PCDH15: variants seen among roughly 807,000 people sequenced by gnomAD.
PCDH15 encodes protocadherin related 15.
Under a neutral mutation model 178.5 loss-of-function variants are expected in PCDH15, and 129 were observed. The ratio of observed to expected loss-of-function variants is 0.72; its 90% CI spans 0.63 to 0.84. PCDH15 has a LOEUF of 0.84. Among genes scored for constraint, PCDH15 ranks in the 40% least tolerant of loss-of-function variants. PCDH15 has a pLI of 0.00. For synonymous variants in PCDH15, 800 were observed against 732.0 expected (o/e 1.09, Z -1.50); for missense variants, 2,230 against 2,099.9 (o/e 1.06, Z -1.21).
At chr10:54,995,051 A>C (rs138730881) in intron 2 of PCDH15, among the ~76,000 whole-genome samples, 429 of 152,266 alleles carry the variant, frequency 2.8e-3, no homozygotes, top group African/African-American at 0.01. Context: ...CGTAGGTTTT[A>C]TGATTATTGT....
intron 8 of PCDH15, among the ~76,000 whole-genome samples, chr10:54,290,998 G>T (rs959669087): frequency 5.3e-5 from 8 of 151,972 alleles, no homozygotes; most frequent in Admixed American, 1.3e-4. Context: ...CAAGACAGAA[G>T]GTTAACAAGG....
chr10:53,957,503 G>GTTTTTTTT (rs55738634), intron 23 of PCDH15, among the ~76,000 whole-genome samples: 88 of 140,586 alleles, frequency 6.3e-4, no homozygotes, highest in African/African-American at 6.8e-4. Context: ...TATTTACTAT[G>GTTTTTTTT]TTTTTTTTTT....
chr10:54,268,420 A>G (rs1414703119), intron 8 of PCDH15, among the ~76,000 whole-genome samples: 1 of 151,992 alleles, frequency 6.6e-6, no homozygotes, highest in Non-Finnish European at 1.5e-5. Flanking sequence ...ACAAAAATTG[A>G]CAAGTGAGAC....
At chr10:54,269,381 G>A (rs1288315524) in intron 8 of PCDH15, among the ~76,000 whole-genome samples, 3 of 151,912 alleles carry the variant, frequency 2.0e-5, no homozygotes, top group Admixed American at 6.6e-5. Context: ...TCACTGTGAA[G>A]AGGGGATAAC....
At chr10:54,566,961 ACTT>A (rs1197271816) in intron 2 of PCDH15, among the ~76,000 whole-genome samples, 3 of 152,216 alleles carry the variant, frequency 2.0e-5, no homozygotes, top group African/African-American at 7.2e-5. Flanking sequence ...AATGGATGGG[ACTT>A]CTTCTTGCTC....
At chr10:54,635,457 T>A (rs140312415) in intron 2 of PCDH15, among the ~76,000 whole-genome samples, 1,677 of 151,850 alleles carry the variant, frequency 0.011, 12 homozygotes, top group Non-Finnish European at 0.016. Context: ...CACCAAAATT[T>A]ACCTATTTTA....
intron 1 of PCDH15, among the ~76,000 whole-genome samples, chr10:55,284,634 AC>A (rs1842820976): frequency 6.6e-6 from 1 of 152,042 alleles, no homozygotes; most frequent in African/African-American, 2.4e-5. Context: ...ATCTGTATTT[AC>A]CATAGTAAAA....
At chr10:55,495,041 G>A (rs955694358) in intron 2 of PCDH15, among the ~76,000 whole-genome samples, 3 of 151,716 alleles carry the variant, frequency 2.0e-5, no homozygotes, top group African/African-American at 7.2e-5. Context: ...TAGTACAACC[G>A]GATATGCACA....
intron 3 of PCDH15, among the ~76,000 whole-genome samples, chr10:54,513,803 C>A (rs1180477778): frequency 2.0e-5 from 3 of 152,104 alleles, no homozygotes. Flanking sequence ...ATTTGAAATG[C>A]CTACTATGTA....
chr10:54,860,467 C>A (rs1034222356), intron 3 of PCDH15, among the ~76,000 whole-genome samples: 8 of 152,280 alleles, frequency 5.3e-5, no homozygotes, highest in African/African-American at 1.7e-4. Flanking sequence ...CATGTTACTG[C>A]AAAGCACATG....
At chr10:54,363,548 A>G (rs1408782956) in intron 5 of PCDH15, among the ~76,000 whole-genome samples, 1 of 152,188 alleles carries the variant, frequency 6.6e-6, no homozygotes, top group Non-Finnish European at 1.5e-5. Flanking sequence ...TTTAGCTACT[A>G]TGGAAAATCT....
intron 8 of PCDH15, among the ~76,000 whole-genome samples, chr10:54,286,251 T>A (rs1316319383): frequency 1.3e-5 from 2 of 152,206 alleles, no homozygotes; most frequent in African/African-American, 4.8e-5. Context: ...ATGGATATGC[T>A]GTATACCCTG....
intron 2 of PCDH15, among the ~76,000 whole-genome samples, chr10:55,409,631 T>G (rs1171284984): frequency 6.6e-6 from 1 of 152,064 alleles, no homozygotes; most frequent in Non-Finnish European, 1.5e-5. Flanking sequence ...AGATATGCAT[T>G]CAGCACCATA....
chr10:55,273,729 A>G (rs1842511054), intron 1 of PCDH15, among the ~76,000 whole-genome samples: 2 of 152,222 alleles, frequency 1.3e-5, no homozygotes, highest in African/African-American at 4.8e-5. Context: ...ATTTATAGAG[A>G]GATGTAGAGA....
At chr10:55,214,442 C>A (rs758535668) in intron 1 of PCDH15, among the ~76,000 whole-genome samples, 1 of 151,630 alleles carries the variant, frequency 6.6e-6, no homozygotes, top group African/African-American at 2.4e-5. Flanking sequence ...TATTTAGACA[C>A]GCACAAGTTT....
At chr10:54,942,366 T>C (rs1486175458) in intron 2 of PCDH15, among the ~76,000 whole-genome samples, 5 of 152,082 alleles carry the variant, frequency 3.3e-5, no homozygotes, top group Non-Finnish European at 7.4e-5. Context: ...ATTTGAGGAA[T>C]GTCCTTTGGA....
At chr10:55,373,221 T>C (rs149416148) in intron 2 of PCDH15, among the ~76,000 whole-genome samples, 46 of 152,238 alleles carry the variant, frequency 3.0e-4, no homozygotes, top group African/African-American at 9.1e-4. Context: ...ACTTTAATCA[T>C]TTATGTAGCT....
chr10:54,825,038 AAC>A (rs2133744729), intron 3 of PCDH15, among the ~76,000 whole-genome samples: 1 of 151,736 alleles, frequency 6.6e-6, no homozygotes, highest in African/African-American at 2.4e-5. Flanking sequence ...CCCACCCCAC[AAC>A]AGTCTCCTGT....
At chr10:54,215,056 A>G (rs934339288) in intron 9 of PCDH15, among the ~76,000 whole-genome samples, 3 of 152,228 alleles carry the variant, frequency 2.0e-5, no homozygotes, top group Admixed American at 2.0e-4. Flanking sequence ...ATTAATAACC[A>G]TAAGAGAAAA....
Sources: allele counts gnomAD v4.1 joint callset (sites outside exome capture counted in the v4.1 genomes callset), GRCh38; gene constraint gnomAD v4.1.1; transcripts MANE v1.5; gene names NCBI Gene and HGNC (gene_info 2026-07-23, HGNC 2026-07-21).